Variants in DPP6 observed in about 807,000 individuals in gnomAD.
DPP6 encodes the protein A-type potassium channel modulatory protein DPP6.
Under a neutral mutation model 122.6 loss-of-function variants are expected in DPP6, and 69 were observed. That is an observed-to-expected ratio of 0.56 (90% CI 0.46 to 0.69). DPP6 has a LOEUF of 0.69. Ranked by LOEUF, DPP6 falls within the 30% of genes least tolerant of loss-of-function variation. The probability of loss-of-function intolerance (pLI) is 0.00; values close to 1 mark genes in which losing one functional copy is unlikely to be tolerated. For synonymous variants in DPP6, 418 were observed against 433.1 expected, an observed-to-expected ratio of 0.97 and a Z score of 0.43; for missense variants, 928 against 1,116.9, an observed-to-expected ratio of 0.83 and a Z score of 2.41.
At chr7:153,819,638 T>C in the DPP6 span, among the ~76,000 whole-genome samples, 1 of 152,300 alleles carries the variant, frequency 6.6e-6, no homozygotes, top group Admixed American at 6.5e-5. Context: ...GAAGTAAATG[T>C]AGTTTATTAA....
At chr7:154,781,159 T>G (rs1797001986) in intron 10 of DPP6, among the ~76,000 whole-genome samples, 1 of 151,750 alleles carries the variant, frequency 6.6e-6, no homozygotes, top group African/African-American at 2.4e-5. Context: ...GATATATGGA[T>G]GGGTGAGAGG....
intron 16 of DPP6, among the ~76,000 whole-genome samples, chr7:154,834,487 A>G (rs915898122): frequency 1.4e-4 from 1 of 7,192 alleles, no homozygotes; most frequent in Non-Finnish European, 4.4e-4. Context: ...AAAGAAAAAC[A>G]AAAACAAAAA....
intron 7 of DPP6, among the ~76,000 whole-genome samples, chr7:154,675,377 T>G (rs903196875): frequency 1.3e-5 from 2 of 151,672 alleles, no homozygotes; most frequent in Non-Finnish European, 2.9e-5. Flanking sequence ...AGAAAAAAAA[T>G]TGTGCTGTGT....
the DPP6 span, among the ~76,000 whole-genome samples, chr7:153,810,919 A>T: frequency 6.6e-6 from 1 of 152,184 alleles, no homozygotes; most frequent in African/African-American, 2.4e-5. Context: ...ATTCAAGATT[A>T]CTTTCTTTTG....
chr7:154,144,942 T>C (rs10252482), intron 1 of DPP6, among the ~76,000 whole-genome samples: 5,974 of 151,336 alleles, frequency 0.039, 277 homozygotes, highest in African/African-American at 0.14. Flanking sequence ...TAAATTTCTG[T>C]TAAGACTCCC....
intron 1 of DPP6, among the ~76,000 whole-genome samples, chr7:154,229,111 A>T (rs1390577112): frequency 6.6e-6 from 1 of 152,106 alleles, no homozygotes; most frequent in Admixed American, 6.5e-5. Context: ...CTCTCTCATA[A>T]TAACACATTA....
the DPP6 span, among the ~76,000 whole-genome samples, chr7:153,845,395 T>C: frequency 1.3e-5 from 2 of 152,028 alleles, no homozygotes; most frequent in Non-Finnish European, 2.9e-5. Flanking sequence ...AATATACTGC[T>C]ATAATAACTC....
Position 154,863,367 on chromosome 7 carries a change from G to C in DPP6, c.1715-4628G>C, listed in dbSNP as rs1803584025. ...GGATTTTTTTTTTTTTTTGAGATGG[G>C]GGTCTTGCTCTGTCACCTAGGCTCA... is the stretch of plus-strand genomic sequence containing the variant. On this transcript the variant is annotated intron_variant, in intron 17 of 25. Coordinates refer to ENST00000377770, the MANE Select transcript of DPP6 (RefSeq NM_130797.4). This position sits in a 1 kb window ranked among gnomAD's most constrained non-coding sequence, Gnocchi z 4.1. 1.3e-5 allele frequency among the ~76,000 whole-genome samples: 2 copies of C among 148,896 alleles called. No homozygotes were observed. The highest frequency in any genetic ancestry group is 4.2e-4 in the South Asian group (2 of 4,734).
Position 154,301,930 on chromosome 7 carries a change from G to GC in DPP6, c.244-144282dup, listed in dbSNP as rs1376875653. Among the ~76,000 whole-genome samples, 12 of 151,310 alleles carry GC rather than the reference G, an allele frequency of 7.9e-5. No homozygotes were observed. In the East Asian group the frequency reaches 2.2e-3, roughly 27 times the overall value. On this transcript the variant is annotated intron_variant, in intron 1 of 25. Transcript: ENST00000377770. ...CCTCCCAGGTTCAAGTGATCCTCCT[G>GC]CCTCAGCCTCCCGAGCAGCTAGGAC...
At chr7:154,194,973 A>G (rs1332298328) in intron 1 of DPP6, among the ~76,000 whole-genome samples, 1 of 152,218 alleles carries the variant, frequency 6.6e-6, no homozygotes, top group East Asian at 1.9e-4. Context: ...ATCATTAGAA[A>G]ATAAAATTCC....
intron 1 of DPP6, among the ~76,000 whole-genome samples, chr7:154,110,620 T>A (rs1806504106): frequency 6.6e-6 from 1 of 152,104 alleles, no homozygotes; most frequent in African/African-American, 2.4e-5. Flanking sequence ...AGAAAGGGGA[T>A]GGAGGCTTTG....
chr7:154,030,415 T>C, intron 1 of DPP6, among the ~76,000 whole-genome samples: 1 of 152,050 alleles, frequency 6.6e-6, no homozygotes. Flanking sequence ...ACCTGGTCCT[T>C]GTTCTTACAG....
intron 1 of DPP6, among the ~76,000 whole-genome samples, chr7:154,163,357 TC>T (rs376169177): frequency 7.2e-5 from 11 of 152,232 alleles, no homozygotes; most frequent in Non-Finnish European, 1.3e-4. Context: ...GGTTTGTACT[TC>T]AGTTATTTTA....
intron 1 of DPP6, among the ~76,000 whole-genome samples, chr7:153,975,560 GA>G (rs1563066589): frequency 6.8e-6 from 1 of 146,908 alleles, no homozygotes; most frequent in East Asian, 2.0e-4. Context: ...AAAAAAAAAA[GA>G]AAATACTGCA....
At chr7:154,595,956 G>A (rs989655627) in intron 5 of DPP6, among the ~76,000 whole-genome samples, 3 of 152,296 alleles carry the variant, frequency 2.0e-5, no homozygotes, top group African/African-American at 4.8e-5. Context: ...AGCTACTCAG[G>A]AGGCTGAGGC....
chr7:154,130,176 CAA>C (rs1418138328), intron 1 of DPP6, among the ~76,000 whole-genome samples: 3 of 151,978 alleles, frequency 2.0e-5, no homozygotes, highest in East Asian at 1.9e-4. Context: ...AGCTAGAAGA[CAA>C]AGAGGAACTA....
chr7:153,934,480 G>T (rs988653586), intron 1 of DPP6, among the ~76,000 whole-genome samples: 3 of 152,132 alleles, frequency 2.0e-5, no homozygotes, highest in African/African-American at 7.2e-5. Context: ...ACATTTTGGG[G>T]TAACTCATGT....
intron 11 of DPP6, among the ~76,000 whole-genome samples, chr7:154,794,439 C>G (rs1007292568): frequency 2.0e-5 from 3 of 152,352 alleles, no homozygotes; most frequent in Middle Eastern, 3.4e-3. Context: ...AGAGGCGCCC[C>G]GTGCCTGGCA....
chr7:154,687,599 T>TTATAC (rs2131199795), intron 7 of DPP6, among the ~76,000 whole-genome samples: 1 of 152,336 alleles, frequency 6.6e-6, no homozygotes, highest in East Asian at 1.9e-4. Flanking sequence ...AAGATTCAAT[T>TTATAC]ATTTGTCAAT....
Sources: allele counts gnomAD v4.1 joint callset (sites outside exome capture counted in the v4.1 genomes callset), GRCh38; gene constraint gnomAD v4.1.1; non-coding constraint Gnocchi (gnomAD v3.1); transcripts MANE v1.5; gene names NCBI Gene and HGNC (gene_info 2026-07-23, HGNC 2026-07-21).